The following ROBO1 variants were observed in gnomAD, a reference collection of about 807,000 sequenced individuals.
ROBO1 encodes roundabout homolog 1.
ROBO1 carries 149 observed loss-of-function variants against 195.9 expected under a neutral mutation model. The observed-to-expected ratio is 0.76, with a 90% CI of 0.67 to 0.87. The LOEUF (loss-of-function observed/expected upper bound fraction) is 0.87. ROBO1 is among the 40% of genes least tolerant of loss of function. The pLI is 0.00. For missense variants in ROBO1, 1,933 were observed against 2,068.3 expected (o/e 0.93, Z 1.27); for synonymous variants, 816 against 733.2 (o/e 1.11, Z -1.82).
rs751766885 is a variant in ROBO1, at chr3:79,542,257, ATAT to A, written c.88+47564_88+47566del. Among the ~76,000 whole-genome samples, 37 of 152,186 alleles carry A rather than the reference ATAT, an allele frequency of 2.4e-4. 1 individual carries two copies. The East Asian group carries it at 6.6e-3, about 27-fold the overall frequency. On this transcript the variant is annotated intron_variant, in intron 2 of 30. Coordinates refer to ENST00000464233, the MANE Select transcript of ROBO1 (RefSeq NM_002941.4). ...CTTCAGTGTATGAATCTGTACCATTATATTTGCTAAGAAAATCTACATAATTTC... is the reference window on the plus strand; with the variant it reads ...CTTCAGTGTATGAATCTGTACCATTATTGCTAAGAAAATCTACATAATTTC...
At chr3:78,987,002 A>G (rs2077122105) in intron 3 of ROBO1, among the ~76,000 whole-genome samples, 1 of 152,108 alleles carries the variant, frequency 6.6e-6, no homozygotes, top group Admixed American at 6.6e-5. Flanking sequence ...GTGCCTATTT[A>G]CAAACTTTTC....
intron 2 of ROBO1, among the ~76,000 whole-genome samples, chr3:79,181,348 G>T (rs1372463646): frequency 1.3e-5 from 2 of 152,166 alleles, no homozygotes; most frequent in African/African-American, 4.8e-5. Context: ...CATATAACAT[G>T]TACTAAGGTA....
chr3:79,643,405 G>A (rs182617980), intron 1 of ROBO1, among the ~76,000 whole-genome samples: 238 of 152,028 alleles, frequency 1.6e-3, no homozygotes, highest in African/African-American at 5.4e-3. Flanking sequence ...ATAAACTCCC[G>A]TTCATATATA....
At chr3:79,639,820 A>G (rs931470122) in intron 1 of ROBO1, among the ~76,000 whole-genome samples, 1 of 152,180 alleles carries the variant, frequency 6.6e-6, no homozygotes, top group Non-Finnish European at 1.5e-5. Flanking sequence ...TGGCATGAGT[A>G]TTTGACAGAA....
chr3:78,681,696 A>T (rs534689092), intron 10 of ROBO1, among the ~76,000 whole-genome samples: 1 of 152,224 alleles, frequency 6.6e-6, no homozygotes, highest in South Asian at 2.1e-4. Flanking sequence ...CGAGGTCAGG[A>T]GATCAAGACC....
chr3:78,740,134 T>C (rs2082489470), intron 5 of ROBO1, among the ~76,000 whole-genome samples: 1 of 152,178 alleles, frequency 6.6e-6, no homozygotes. Context: ...CAGCAAGTGC[T>C]ATAATAAGTG....
At chr3:78,886,872 T>C (rs972563402) in intron 4 of ROBO1, among the ~76,000 whole-genome samples, 3 of 152,054 alleles carry the variant, frequency 2.0e-5, no homozygotes, top group Non-Finnish European at 2.9e-5. Context: ...GAATGGATAA[T>C]GATTAAAAAG....
chr3:79,077,068 T>C (rs1482162375), intron 3 of ROBO1, among the ~76,000 whole-genome samples: 2 of 151,944 alleles, frequency 1.3e-5, no homozygotes, highest in Non-Finnish European at 2.9e-5. Flanking sequence ...GTATTCATTG[T>C]GTAATGATTA....
intron 2 of ROBO1, among the ~76,000 whole-genome samples, chr3:79,310,074 G>T (rs913526966): frequency 8.5e-5 from 13 of 152,098 alleles, no homozygotes; most frequent in Admixed American, 2.6e-4. Flanking sequence ...AACAGGCCTT[G>T]TCTTAGGCCC....
intron 2 of ROBO1, among the ~76,000 whole-genome samples, chr3:79,248,877 C>A (rs1372109232): frequency 2.0e-5 from 3 of 152,092 alleles, no homozygotes; most frequent in African/African-American, 7.2e-5. Flanking sequence ...ATATAGTATT[C>A]TGTTCCATTC....
intron 3 of ROBO1, among the ~76,000 whole-genome samples, chr3:79,075,266 G>T (rs1057421353): frequency 6.6e-6 from 1 of 151,876 alleles, no homozygotes; most frequent in Non-Finnish European, 1.5e-5. Context: ...ATTAATTGAG[G>T]TGTCCTAACC....
chr3:78,620,950 T>TA (rs1369372382), intron 26 of ROBO1, among the ~76,000 whole-genome samples: 2 of 150,900 alleles, frequency 1.3e-5, no homozygotes, highest in Non-Finnish European at 3.0e-5. Context: ...ACAGATGTAT[T>TA]AAAAAACTAA....
chr3:79,414,746 TATGGGAAACTGG>T (rs2037928631), intron 2 of ROBO1, among the ~76,000 whole-genome samples: 1 of 151,282 alleles, frequency 6.6e-6, no homozygotes. Context: ...CCATTATAAA[TATGGGAAACTGG>T]ATCTAGAAAC....
chr3:79,206,529 G>A (rs1280228138), intron 2 of ROBO1, among the ~76,000 whole-genome samples: 1 of 152,152 alleles, frequency 6.6e-6, no homozygotes, highest in Non-Finnish European at 1.5e-5. Context: ...ACTACATATA[G>A]AGTTCAGTAC....
chr3:78,823,705 C>G (rs1299019031), intron 4 of ROBO1, among the ~76,000 whole-genome samples: 1 of 152,206 alleles, frequency 6.6e-6, no homozygotes, highest in South Asian at 2.1e-4. Context: ...CATTACCTAG[C>G]ATACTCTTAT....
chr3:78,755,396 C>A (rs771218341), intron 4 of ROBO1, among the ~76,000 whole-genome samples: 2 of 152,092 alleles, frequency 1.3e-5, no homozygotes, highest in Non-Finnish European at 2.9e-5. Context: ...ATCGCTTGAG[C>A]CTGGGAGATT....
intron 2 of ROBO1, among the ~76,000 whole-genome samples, chr3:79,475,083 A>G (rs1172289394): frequency 6.6e-6 from 1 of 151,974 alleles, no homozygotes; most frequent in East Asian, 1.9e-4. Context: ...CTTTTCAGTA[A>G]TAGTCATAAA....
At chr3:79,735,046 G>A (rs1267022052) in intron 1 of ROBO1, among the ~76,000 whole-genome samples, 1 of 152,222 alleles carries the variant, frequency 6.6e-6, no homozygotes, top group East Asian at 1.9e-4. Context: ...AATGGAATAT[G>A]TGAATTACAT....
At position 78,598,625 on chromosome 3, in the gene ROBO1, C is replaced by CTGA. The variant is rs1232512425; in HGVS notation, c.*285_*287dup. On this transcript the variant is annotated 3_prime_UTR_variant, in exon 31 of 31. Coordinates refer to ENST00000464233, the MANE Select transcript of ROBO1 (RefSeq NM_002941.4). ...GAACAGTTTTGTTCCCTCTTGCTGG[C>CTGA]TGATGACTGAAGCAAGAAGTCAAAG... 1.8e-5 allele frequency: 5 copies of CTGA among 284,394 alleles called. No homozygotes were observed. The highest frequency in any genetic ancestry group is 3.3e-5 in the Non-Finnish European group (5 of 153,658). 17.6% of individuals were successfully genotyped at this position (284,394 alleles called of 1,614,324 possible).
Sources: gnomAD v4.1 joint callset for allele counts (sites outside exome capture counted in the v4.1 genomes callset) on GRCh38, gnomAD v4.1.1 for gene constraint, MANE v1.5 for transcripts, NCBI Gene and HGNC (gene_info 2026-07-23, HGNC 2026-07-21) for gene names.